Variants in MYPN observed in about 807,000 individuals in gnomAD.
The protein encoded by MYPN is sarcomeric protein myopalladin, 145 kDa (MYOP).
MYPN carries 63 observed loss-of-function variants against 129.4 expected under a neutral mutation model. The ratio of observed to expected loss-of-function variants is 0.49; its 90% CI spans 0.40 to 0.60. The LOEUF (loss-of-function observed/expected upper bound fraction) is 0.60, where lower values mean the gene tolerates loss of function less well. Ranked by LOEUF, MYPN falls within the 20% of genes least tolerant of loss-of-function variation. MYPN has a pLI of 0.00. For synonymous variants in MYPN, 629 were observed against 600.9 expected (o/e 1.05, Z -0.68); for missense variants, 1,596 against 1,635.4 (o/e 0.98, Z 0.42).
chr10:68,155,682 C>T (rs376011120), intron 6 of MYPN, among the ~76,000 whole-genome samples: 2 of 152,178 alleles, frequency 1.3e-5, no homozygotes, highest in East Asian at 3.8e-4. Flanking sequence ...TGGTTTGGAT[C>T]CTGATCTGTG....
intron 12 of MYPN, among the ~76,000 whole-genome samples, chr10:68,182,207 G>T (rs1403226963): frequency 1.6e-5 from 2 of 124,198 alleles, no homozygotes; most frequent in Non-Finnish European, 3.4e-5. Flanking sequence ...GGTTACTAAT[G>T]TTATATATAT....
intron 2 of MYPN, among the ~76,000 whole-genome samples, chr10:68,125,663 G>A (rs1459049112): frequency 6.6e-6 from 1 of 152,192 alleles, no homozygotes; most frequent in African/African-American, 2.4e-5. Flanking sequence ...GTAGTGTCAG[G>A]TGTCAGAGAA....
At chr10:68,206,375 A>G (rs1362346630) in intron 18 of MYPN, among the ~76,000 whole-genome samples, 2 of 152,172 alleles carry the variant, frequency 1.3e-5, no homozygotes, top group Admixed American at 6.5e-5. Flanking sequence ...AATGCCGTCT[A>G]TGCTGCCAGT....
chr10:68,182,377 TATAACACATATATAAC>T (rs1564686901), intron 12 of MYPN, among the ~76,000 whole-genome samples: 1,827 of 101,720 alleles, frequency 0.018, 87 homozygotes, highest in Non-Finnish European at 0.029. Context: ...ATATAACATA[TATAACACATATATAAC>T]ATATATATAA....
chr10:68,106,506 C>T (rs537981155), upstream of MYPN: 52 of 595,784 alleles, frequency 8.7e-5, no homozygotes, highest in South Asian at 8.9e-4. Context: ...CTAAAAAATA[C>T]ATACTTTCTC....
intron 3 of MYPN, among the ~76,000 whole-genome samples, chr10:68,144,475 T>C (rs2042629394): frequency 6.6e-6 from 1 of 152,204 alleles, no homozygotes; most frequent in Non-Finnish European, 1.5e-5. Context: ...TTTGAATAAA[T>C]ACATGAATAG....
chr10:68,197,089 A>G (rs2043619831), intron 15 of MYPN, among the ~76,000 whole-genome samples: 1 of 152,186 alleles, frequency 6.6e-6, no homozygotes, highest in African/African-American at 2.4e-5. Flanking sequence ...GAGCCCACTT[A>G]ATCCAGAATG....
intron 1 of MYPN, among the ~76,000 whole-genome samples, chr10:68,094,855 A>G (rs1490522526): frequency 6.6e-6 from 1 of 152,102 alleles, no homozygotes; most frequent in Non-Finnish European, 1.5e-5. Flanking sequence ...TGAGGTCAGG[A>G]GTTCGAGACC....
intron 1 of MYPN, among the ~76,000 whole-genome samples, chr10:68,100,304 T>C (rs2041976059): frequency 6.6e-6 from 1 of 152,250 alleles, no homozygotes; most frequent in South Asian, 2.1e-4. Flanking sequence ...CATTCTGGCT[T>C]ATCTGCCTTT....
chr10:68,158,749 G>C, intron 7 of MYPN, 122 bp downstream of exon 7: 1 of 709,178 alleles, frequency 1.4e-6, no homozygotes, highest in South Asian at 1.9e-5. Flanking sequence ...AAAAACACCT[G>C]TAATCATACT....
In MYPN at chr10:68,206,272, G is replaced by A. The variant is rs141190451; in HGVS notation, c.3660-498G>A. Among the ~76,000 whole-genome samples the A allele has an allele frequency of 2.0e-3, 304 of 152,252 alleles. 1 individual carries two copies. The highest frequency in any genetic ancestry group is 0.014 in the Middle Eastern group (4 of 294). On this transcript the variant is annotated intron_variant, in intron 18 of 19. Coordinates refer to ENST00000358913, the MANE Select transcript of MYPN (RefSeq NM_032578.4). ...TATGCAGTCAAGGTGAAAAACTATG[G>A]ATGTGGAGAAAAACAGAAGGAAACA...
chr10:68,139,420 G>A (rs78196654), intron 2 of MYPN, among the ~76,000 whole-genome samples: 6 of 152,122 alleles, frequency 3.9e-5, no homozygotes, highest in Admixed American at 6.5e-5. Flanking sequence ...TGAAGTCTTA[G>A]ACCTGCTATT....
intron 12 of MYPN, among the ~76,000 whole-genome samples, chr10:68,185,506 C>G (rs1189490577): frequency 6.6e-6 from 1 of 152,068 alleles, no homozygotes; most frequent in Non-Finnish European, 1.5e-5. Flanking sequence ...CTAGGCACTC[C>G]TCCTTATGAG....
At chr10:68,105,887 A>G (rs1280069474), upstream of MYPN, among the ~76,000 whole-genome samples, 1 of 152,256 alleles carries the variant, frequency 6.6e-6, no homozygotes, top group Non-Finnish European at 1.5e-5. Context: ...TAGACTAAGG[A>G]GAAATCAAGA....
intron 1 of MYPN, 146 bp from the exon 2 acceptor site, chr10:68,121,292 T>C: frequency 1.3e-6 from 1 of 754,832 alleles, no homozygotes; most frequent in South Asian, 2.2e-5. Flanking sequence ...ATAAATAAAT[T>C]AATTAAAAGT....
At chr10:68,118,877 TGAAG>T (rs10661735) in intron 1 of MYPN, among the ~76,000 whole-genome samples, 12,253 of 122,372 alleles carry the variant, frequency 0.1, 648 homozygotes, top group Non-Finnish European at 0.11. Context: ...AAAAGAGTGA[TGAAG>T]GAAGGAAGGA....
At chr10:68,209,430 A>G (rs899548598) in intron 19 of MYPN, among the ~76,000 whole-genome samples, 6 of 152,188 alleles carry the variant, frequency 3.9e-5, no homozygotes, top group African/African-American at 1.4e-4. Flanking sequence ...GGAGGTGGGT[A>G]GGTAGGTAAT....
chr10:68,183,461 CA>C (rs949984169), intron 12 of MYPN, among the ~76,000 whole-genome samples: 92 of 144,648 alleles, frequency 6.4e-4, no homozygotes, highest in African/African-American at 1.8e-3. Flanking sequence ...GACCTTGTCT[CA>C]AAAAAAAAAA....
At chr10:68,167,429 C>T (rs766993016) in intron 10 of MYPN, among the ~76,000 whole-genome samples, 1 of 152,204 alleles carries the variant, frequency 6.6e-6, no homozygotes, top group African/African-American at 2.4e-5. Flanking sequence ...AATAAGTGGT[C>T]ATGATTTTCT....
Sources: allele counts gnomAD v4.1 joint callset (sites outside exome capture counted in the v4.1 genomes callset), GRCh38; gene constraint gnomAD v4.1.1; transcripts MANE v1.5; gene names NCBI Gene and HGNC (gene_info 2026-07-23, HGNC 2026-07-21).